PLEKHA8: variants seen among roughly 807,000 people sequenced by gnomAD.
The protein encoded by PLEKHA8 is pleckstrin homology domain containing A8.
Under a neutral mutation model 68.2 loss-of-function variants are expected in PLEKHA8, and 36 were observed. The observed-to-expected ratio is 0.53, with a 90% CI of 0.40 to 0.70. PLEKHA8 has a LOEUF of 0.70. Among genes scored for constraint, PLEKHA8 ranks in the 30% least tolerant of loss-of-function variants. The pLI is 0.00. For synonymous variants in PLEKHA8, 211 were observed against 216.1 expected (o/e 0.98, Z 0.20); for missense variants, 505 against 615.4 (o/e 0.82, Z 1.90).
chr7:30,065,433 A>G, intron 12 of PLEKHA8, among the ~76,000 whole-genome samples: 1 of 66,818 alleles, frequency 1.5e-5, no homozygotes, highest in East Asian at 3.8e-4. Flanking sequence ...CTCCCCTCCC[A>G]CAGACACAGA....
At chr7:30,054,078 A>C (rs1487354859) in intron 7 of PLEKHA8, among the ~76,000 whole-genome samples, 1 of 152,196 alleles carries the variant, frequency 6.6e-6, no homozygotes, top group East Asian at 1.9e-4. Flanking sequence ...AGACGGTACT[A>C]TACTTGGGAG....
At chr7:30,072,129 G>A (rs898406590) in intron 12 of PLEKHA8, 4 of 152,104 alleles carry the variant, frequency 2.6e-5, no homozygotes, top group African/African-American at 9.7e-5. Flanking sequence ...GTTCTCCTAA[G>A]AAAAAAGTTT....
chr7:30,064,887 A>G (rs62446705), intron 12 of PLEKHA8, among the ~76,000 whole-genome samples: 25,573 of 152,132 alleles, frequency 0.17, 2,202 homozygotes, highest in Middle Eastern at 0.22. Flanking sequence ...AGGGCTGTCT[A>G]TGGAAGGGGA....
At chr7:30,046,510 C>A in intron 3 of PLEKHA8, 145 bp downstream of exon 3, 1 of 963,752 alleles carries the variant, frequency 1.0e-6, no homozygotes, top group Non-Finnish European at 1.5e-6. Context: ...TAATTTAAAC[C>A]AGGGTCCATA....
intron 1 of PLEKHA8, among the ~76,000 whole-genome samples, chr7:30,032,794 T>C (rs968420956): frequency 2.6e-5 from 4 of 152,280 alleles, no homozygotes; most frequent in Non-Finnish European, 5.9e-5. Flanking sequence ...CTGTGCTTTC[T>C]ACTTTGTAGT....
intron 13 of PLEKHA8, chr7:30,117,867 C>A: frequency 1.4e-6 from 1 of 722,208 alleles, no homozygotes; most frequent in South Asian, 2.1e-5. Context: ...AGAAGTATAA[C>A]TACACAACTC....
chr7:30,076,379 A>G (rs965575460), intron 13 of PLEKHA8, among the ~76,000 whole-genome samples: 3 of 152,204 alleles, frequency 2.0e-5, no homozygotes, highest in African/African-American at 7.2e-5. Flanking sequence ...GCATCTGTTT[A>G]TATGCATTTT....
chr7:30,038,893 G>A (rs1221935902), intron 1 of PLEKHA8, among the ~76,000 whole-genome samples: 3 of 151,560 alleles, frequency 2.0e-5, no homozygotes, highest in East Asian at 3.9e-4. Flanking sequence ...TAAAAATGGT[G>A]GTTGCTGTTG....
At chr7:30,112,714 GA>G (rs59606022) in intron 13 of PLEKHA8, among the ~76,000 whole-genome samples, 64 of 137,918 alleles carry the variant, frequency 4.6e-4, no homozygotes, top group Admixed American at 4.4e-4. Context: ...GACCCAGTCT[GA>G]AAAAAAAAAA....
intron 12 of PLEKHA8, among the ~76,000 whole-genome samples, chr7:30,073,528 T>C (rs1794398875): frequency 6.8e-6 from 1 of 147,798 alleles, no homozygotes; most frequent in Non-Finnish European, 1.5e-5. Context: ...ATATATTGAT[T>C]GACCCAGAGT....
intron 12 of PLEKHA8, 22 bp downstream of exon 12, chr7:30,062,764 T>A: frequency 6.3e-7 from 1 of 1,580,596 alleles, no homozygotes; most frequent in Non-Finnish European, 8.7e-7. Flanking sequence ...TTATGTTTTG[T>A]TGAATGAGTC....
chr7:30,083,531 T>A lies in PLEKHA8; in HGVS notation c.*4744T>A. The A allele has an allele frequency of 1.0e-6, 1 of 985,446 alleles. No homozygotes were observed. 61.0% of individuals were successfully genotyped at this position (985,446 alleles called of 1,614,324 possible). A position where few individuals can be genotyped will look rare whatever the true frequency, so the allele number is the denominator to read the frequency against. On this transcript the variant is annotated 3_prime_UTR_variant, in exon 14 of 14. Transcript: ENST00000449726. Reference sequence around the variant, plus strand: ...ATGATTTCTCATTGCACTGCTGCATTCAGGCACTCCAGGGCATGATTAAAC... The same window carrying A: ...ATGATTTCTCATTGCACTGCTGCATACAGGCACTCCAGGGCATGATTAAAC...
chr7:30,068,078 T>C (rs779002149), intron 12 of PLEKHA8, among the ~76,000 whole-genome samples: 1 of 152,220 alleles, frequency 6.6e-6, no homozygotes, highest in Non-Finnish European at 1.5e-5. Flanking sequence ...GCCTTACTGC[T>C]TGAGAAGCTG....
chr7:30,038,168 G>A (rs1476585019), intron 1 of PLEKHA8, among the ~76,000 whole-genome samples: 2 of 152,010 alleles, frequency 1.3e-5, no homozygotes, highest in Admixed American at 6.6e-5. Context: ...TCATTATTGG[G>A]CCAAGATGTA....
At chr7:30,116,860 C>A (rs762212580) in intron 13 of PLEKHA8, among the ~76,000 whole-genome samples, 1 of 152,152 alleles carries the variant, frequency 6.6e-6, no homozygotes, top group African/African-American at 2.4e-5. Flanking sequence ...AATTTAGCAG[C>A]AAGTCTCTCC....
chr7:30,081,938 C>A lies in PLEKHA8; in HGVS notation c.*3151C>A. ...TGACTTTTGAAAGCAAGTCAGATTC[C>A]TTATAGCTAATGCTGGTGAAAAATG... On this transcript the variant is annotated 3_prime_UTR_variant, in exon 14 of 14. Transcript: ENST00000449726. 1 of 962,248 alleles carries A rather than the reference C, an allele frequency of 1.0e-6. No homozygotes were observed. Among genetic ancestry groups the A allele is most frequent in the Non-Finnish European group, 1.2e-6 (1 of 808,966 alleles). The allele number at this position is 962,248 out of a possible 1,614,324, so 59.6% of individuals were successfully genotyped here. A position where few individuals can be genotyped will look rare whatever the true frequency, so the allele number is the denominator to read the frequency against.
Position 30,082,159 on chromosome 7 carries a change from C to G in PLEKHA8, c.*3372C>G, listed in dbSNP as rs868306566. On this transcript the variant is annotated 3_prime_UTR_variant, in exon 14 of 14. Transcript: ENST00000449726. ...AGGATGTATAAGTAGTGGCTTGAGG[C>G]ACCTTCTTATCATTTTTTGCATGTT... 2.7e-4 allele frequency: 266 copies of G among 985,362 alleles called. 1 individual carries two copies. The highest frequency in any genetic ancestry group is 1.0e-3 in the Middle Eastern group (2 of 1,914). The allele number at this position is 985,362 out of a possible 1,614,324, so 61.0% of individuals were successfully genotyped here.
intron 13 of PLEKHA8, among the ~76,000 whole-genome samples, chr7:30,077,618 A>G (rs147996277): frequency 1.7e-3 from 257 of 152,312 alleles, no homozygotes; most frequent in African/African-American, 5.6e-3. Flanking sequence ...CTGAGATTCA[A>G]GTCCAGGTCT....
chr7:30,118,286 A>C (rs1764307731), intron 13 of PLEKHA8: 1 of 373,126 alleles, frequency 2.7e-6, no homozygotes, highest in Non-Finnish European at 4.7e-6. Context: ...ATCAGATAGA[A>C]TGAGGTCTCA....
Sources: allele counts gnomAD v4.1 joint callset (sites outside exome capture counted in the v4.1 genomes callset), GRCh38; gene constraint gnomAD v4.1.1; transcripts MANE v1.5; gene names NCBI Gene and HGNC (gene_info 2026-07-23, HGNC 2026-07-21).